KCNH7: variants seen among roughly 807,000 people sequenced by gnomAD.
KCNH7 encodes the protein voltage-gated inwardly rectifying potassium channel KCNH7.
A neutral mutation model predicts 120.8 loss-of-function variants in KCNH7; 49 were observed. The ratio of observed to expected loss-of-function variants is 0.41; its 90% CI spans 0.32 to 0.51. The LOEUF (loss-of-function observed/expected upper bound fraction) is 0.51. Ranked by LOEUF, KCNH7 falls within the 20% of genes least tolerant of loss-of-function variation. KCNH7 has a pLI of 0.38. For missense variants in KCNH7, 1,097 were observed against 1,446.6 expected (o/e 0.76, Z 3.92); for synonymous variants, 547 against 516.1 (o/e 1.06, Z -0.81).
In KCNH7 at chr2:162,715,980, A is replaced by G. The variant is rs576345677; in HGVS notation, c.307+120557T>C. Among the ~76,000 whole-genome samples the G allele has an allele frequency of 2.6e-4, 37 of 143,292 alleles. No homozygotes were observed. In the South Asian group the frequency reaches 2.9e-3, roughly 11 times the overall value. The allele number at this position is 143,292 out of a possible 152,430, so 94.0% of individuals were successfully genotyped here. On this transcript the variant is annotated intron_variant, in intron 2 of 15. Transcript: ENST00000332142. ...TGTGTGTGTGTGTGTGTGTGTGTGC[A>G]CACCACACTTCGGAAGGTCCTTTAA...
intron 2 of KCNH7, among the ~76,000 whole-genome samples, chr2:162,558,846 G>C (rs1476400599): frequency 4.6e-5 from 7 of 151,440 alleles, no homozygotes; most frequent in Non-Finnish European, 7.4e-5. Flanking sequence ...GGCTGATCAC[G>C]AGGTCAGGAT....
At chr2:162,462,706 T>C (rs919257667) in intron 6 of KCNH7, among the ~76,000 whole-genome samples, 1 of 152,056 alleles carries the variant, frequency 6.6e-6, no homozygotes, top group Non-Finnish European at 1.5e-5. Flanking sequence ...TTCCTCATTA[T>C]TGACAGGGAT....
intron 2 of KCNH7, among the ~76,000 whole-genome samples, chr2:162,565,147 T>C (rs1336000303): frequency 6.6e-6 from 1 of 152,114 alleles, no homozygotes; most frequent in East Asian, 1.9e-4. Context: ...GTCTGAATAT[T>C]GTCCCTAGGA....
intron 2 of KCNH7, among the ~76,000 whole-genome samples, chr2:162,787,924 G>T (rs759463956): frequency 6.6e-6 from 1 of 152,170 alleles, no homozygotes; most frequent in African/African-American, 2.4e-5. Flanking sequence ...CAGCAGCAAG[G>T]TTATCTGCAG....
chr2:162,436,452 C>T (rs1388610265), intron 7 of KCNH7, among the ~76,000 whole-genome samples: 1 of 152,100 alleles, frequency 6.6e-6, no homozygotes, highest in Non-Finnish European at 1.5e-5. Context: ...GTGATTATTA[C>T]TGACCGGGTA....
At chr2:162,551,064 T>C (rs1692652801) in intron 2 of KCNH7, among the ~76,000 whole-genome samples, 1 of 152,132 alleles carries the variant, frequency 6.6e-6, no homozygotes, top group African/African-American at 2.4e-5. Context: ...GACTTAGTTC[T>C]GTGTGGTGGT....
chr2:162,604,828 G>A (rs1426442815), intron 2 of KCNH7, among the ~76,000 whole-genome samples: 1 of 151,958 alleles, frequency 6.6e-6, no homozygotes, highest in Non-Finnish European at 1.5e-5. Context: ...CCCTAGAAAG[G>A]AGGAAAAGAA....
rs182735198 is a variant in KCNH7 at position 162,532,562 on chromosome 2, C to T, written c.463+4363G>A. Among the ~76,000 whole-genome samples the T allele has an allele frequency of 2.0e-5, 3 of 151,988 alleles. No homozygotes were observed. In the East Asian group the frequency reaches 5.9e-4, roughly 30 times the overall value. On this transcript the variant is annotated intron_variant, in intron 3 of 15. Coordinates refer to ENST00000332142, the MANE Select transcript of KCNH7 (RefSeq NM_033272.4). ...TGGACCAAATACTATGTCATATCTA[C>T]CTAGGCTGTCCTTCAAATGTCAAAG...
intron 2 of KCNH7, among the ~76,000 whole-genome samples, chr2:162,630,153 C>G (rs1412275768): frequency 6.6e-6 from 1 of 152,002 alleles, no homozygotes; most frequent in East Asian, 1.9e-4. Flanking sequence ...ATGAAAATAA[C>G]TCAAGGTGAT....
chr2:162,759,805 C>T (rs1688907779), intron 2 of KCNH7, among the ~76,000 whole-genome samples: 1 of 152,036 alleles, frequency 6.6e-6, no homozygotes, highest in Non-Finnish European at 1.5e-5. Flanking sequence ...AATTTTGAAA[C>T]AATGTAAATG....
intron 2 of KCNH7, among the ~76,000 whole-genome samples, chr2:162,564,810 C>T (rs183068010): frequency 1.3e-5 from 2 of 152,058 alleles, no homozygotes; most frequent in African/African-American, 2.4e-5. Context: ...TTAGCATATT[C>T]GTGTCACTAT....
chr2:162,537,118 C>A, intron 2 of KCNH7, 38 bp from the exon 3 acceptor site: 1 of 1,522,982 alleles, frequency 6.6e-7, no homozygotes, highest in Non-Finnish European at 9.0e-7. Flanking sequence ...TAAAAATATG[C>A]CTTCATTCTG....
intron 2 of KCNH7, among the ~76,000 whole-genome samples, chr2:162,576,094 T>G (rs1416311820): frequency 6.6e-6 from 1 of 152,076 alleles, no homozygotes; most frequent in Non-Finnish European, 1.5e-5. Context: ...TAGCAACATC[T>G]AATCTTTGCA....
At chr2:162,494,434 G>A (rs991746248) in intron 6 of KCNH7, among the ~76,000 whole-genome samples, 1 of 152,158 alleles carries the variant, frequency 6.6e-6, no homozygotes, top group Admixed American at 6.6e-5. Context: ...CAAAAGATAG[G>A]TAAACAGGAT....
At chr2:162,830,318 A>G (rs1685432407) in intron 2 of KCNH7, among the ~76,000 whole-genome samples, 1 of 152,204 alleles carries the variant, frequency 6.6e-6, no homozygotes, top group African/African-American at 2.4e-5. Context: ...AACTCTGAGC[A>G]ATCAAGTATG....
At chr2:162,534,331 AAAGTT>A (rs1427496477) in intron 3 of KCNH7, among the ~76,000 whole-genome samples, 11 of 151,572 alleles carry the variant, frequency 7.3e-5, no homozygotes, top group African/African-American at 2.6e-4. Flanking sequence ...AAACCAATAA[AAAGTT>A]AAGTCTTTGG....
chr2:162,435,543 C>T lies in KCNH7; in HGVS notation c.1609G>A (p.Val537Met). 1 of 1,613,226 alleles carries T rather than the reference C, an allele frequency of 6.2e-7. No individual in the cohort carries two copies. Among genetic ancestry groups the T allele is most frequent in the Non-Finnish European group, 8.5e-7 (1 of 1,179,528 alleles). Residue 537 changes from valine to methionine, a missense_variant, in exon 8 of 16, where the codon GTG becomes ATG. By Grantham distance (21) the Val-to-Met change is conservative. Around this residue, in one of 8 missense-constraint regions of KCNH7, gnomAD observed 109 missense variants for 196.8 expected, o/e 0.55. Transcript: ENST00000332142. ...KTARLLRLVR[V>M]ARKLDRYSEY... is the part of the protein sequence containing the mutation. ...GAATATCGATCCAGTTTCCTGGCCA[C>T]GCGCACAAGACGGAGGAGTCGGGCA...
intron 8 of KCNH7, among the ~76,000 whole-genome samples, chr2:162,428,780 C>A (rs985761594): frequency 1.3e-5 from 2 of 151,740 alleles, no homozygotes; most frequent in Non-Finnish European, 3.0e-5. Context: ...GGTAATAGTA[C>A]CTGTCCTGAA....
Position 162,485,160 on chromosome 2 carries a change from ACTTTT to A in KCNH7, c.1128+19278_1128+19282del, listed in dbSNP as rs1393548745. 2.6e-5 allele frequency among the ~76,000 whole-genome samples: 4 copies of A among 152,296 alleles called. 1 individual carries two copies. Among genetic ancestry groups the A allele is most frequent in the South Asian group, 4.1e-4 (2 of 4,828 alleles). On this transcript the variant is annotated intron_variant, in intron 6 of 15. Transcript: ENST00000332142. ...AATTACCTCAAAGGTGAGACCTTCA[ACTTTT>A]CTTCATGTTAATTTTTTCGCTTCTC...
Sources: gnomAD v4.1 joint callset for allele counts (sites outside exome capture counted in the v4.1 genomes callset) on GRCh38, gnomAD v4.1.1 for gene constraint, gnomAD v4.1.1 regional missense constraint, MANE v1.5 for transcripts, NCBI Gene and HGNC (gene_info 2026-07-23, HGNC 2026-07-21) for gene names.